Variants in KCNC4 observed in about 807,000 individuals in gnomAD.
KCNC4 encodes the protein voltage-gated potassium channel KCNC4.
KCNC4 carries 23 observed loss-of-function variants against 42.8 expected under a neutral mutation model. The observed-to-expected ratio is 0.54, with a 90% CI of 0.39 to 0.76. The LOEUF (loss-of-function observed/expected upper bound fraction) is 0.76. Ranked by LOEUF, KCNC4 falls within the 30% of genes least tolerant of loss-of-function variation. KCNC4 has a pLI of 0.00. For synonymous variants in KCNC4, 422 were observed against 393.5 expected (o/e 1.07, Z -0.86); for missense variants, 751 against 898.2 (o/e 0.84, Z 2.10).
intron 3 of KCNC4, chr1:110,228,914 G>A (rs747243430): frequency 6.6e-6 from 1 of 152,150 alleles, no homozygotes; most frequent in Non-Finnish European, 1.5e-5. Flanking sequence ...CAATCCCAGA[G>A]CTTCTCCCCA....
At chr1:110,279,121 A>G (rs1198383673) in intron 1 of KCNC4, among the ~76,000 whole-genome samples, 1 of 152,202 alleles carries the variant, frequency 6.6e-6, no homozygotes, top group African/African-American at 2.4e-5. Flanking sequence ...GAAAGGCTTG[A>G]TGTGCATATC....
intron 3 of KCNC4, chr1:110,232,176 G>A (rs1457620871): frequency 3.1e-6 from 5 of 1,597,250 alleles, no homozygotes; most frequent in Non-Finnish European, 3.4e-6. Flanking sequence ...GAGGGGTTGG[G>A]TTTCTCAATA....
intron 1 of KCNC4, among the ~76,000 whole-genome samples, chr1:110,276,566 T>C (rs1446834916): frequency 6.6e-6 from 1 of 152,096 alleles, no homozygotes; most frequent in Non-Finnish European, 1.5e-5. Flanking sequence ...ATATTGACCA[T>C]CAAAAGCATA....
chr1:110,213,592 G>A (rs1553210871), intron 1 of KCNC4, among the ~76,000 whole-genome samples: 1 of 152,222 alleles, frequency 6.6e-6, no homozygotes, highest in Non-Finnish European at 1.5e-5. Context: ...TGGCATACCG[G>A]GCTGGGGCTG....
At chr1:110,249,305 C>T (rs1241495627), downstream of KCNC4, among the ~76,000 whole-genome samples, 10 of 152,212 alleles carry the variant, frequency 6.6e-5, no homozygotes, top group African/African-American at 2.4e-4. Context: ...AAGAATATGT[C>T]TCTTCCCCTT....
intron 3 of KCNC4, 47 bp downstream of exon 3, chr1:110,226,225 G>A (rs777312428): frequency 3.8e-6 from 6 of 1,558,902 alleles, no homozygotes; most frequent in Non-Finnish European, 4.4e-6. Flanking sequence ...ACAGAGCTGA[G>A]TCTCCCGAGT....
chr1:110,232,449 G>A (rs1314008781), intron 3 of KCNC4: 7 of 1,468,560 alleles, frequency 4.8e-6, no homozygotes, highest in Middle Eastern at 2.1e-4. Context: ...AACAGCTGGG[G>A]TGATGGCCTG....
At chr1:110,267,752 A>G (rs1659566301) in intron 1 of KCNC4, among the ~76,000 whole-genome samples, 1 of 152,210 alleles carries the variant, frequency 6.6e-6, no homozygotes, top group Non-Finnish European at 1.5e-5. Flanking sequence ...ATCTAACATG[A>G]CAGACTCCAT....
intron 1 of KCNC4, among the ~76,000 whole-genome samples, chr1:110,260,521 A>G (rs1659405828): frequency 6.6e-6 from 1 of 152,256 alleles, no homozygotes; most frequent in Admixed American, 6.5e-5. Flanking sequence ...TGGAGATAAT[A>G]TCAATAGTAA....
At chr1:110,227,601 G>A (rs958798) in intron 3 of KCNC4, among the ~76,000 whole-genome samples, 7 of 152,038 alleles carry the variant, frequency 4.6e-5, no homozygotes, top group Admixed American at 1.3e-4. Flanking sequence ...CTCTCCCGCC[G>A]ACCATCCCAA....
In KCNC4 at chr1:110,232,938, A is replaced by G. The variant is rs540024226; in HGVS notation, c.1847A>G (p.Asn616Ser). The G allele has an allele frequency of 1.1e-5, 18 of 1,612,206 alleles. No individual in the cohort carries two copies. The highest frequency in any genetic ancestry group is 1.1e-4 in the South Asian group (10 of 90,390). Reference sequence around the variant, plus strand: ...ACCTGCCAAGACGCCCTCTCGTCCAACTATGCCCAGGCTGAAGTCCTCACC... The same window carrying G: ...ACCTGCCAAGACGCCCTCTCGTCCAGCTATGCCCAGGCTGAAGTCCTCACC... ...KETCQDALSSNYAQAEVLTLS is the reference protein window; with the variant it reads ...KETCQDALSSSYAQAEVLTLS The change falls in exon 4 of 4, where the codon AAC becomes AGC. Residue 616 changes from asparagine to serine, a missense_variant. By Grantham distance (46) the Asn-to-Ser change is conservative. Transcript: ENST00000438661.
intron 3 of KCNC4, among the ~76,000 whole-genome samples, chr1:110,230,082 G>C (rs371283808): frequency 1.3e-5 from 2 of 152,164 alleles, no homozygotes; most frequent in African/African-American, 4.8e-5. Context: ...GTTGTGTAAA[G>C]CCTGTGCCCG....
At chr1:110,278,267 C>A (rs763627310) in intron 1 of KCNC4, among the ~76,000 whole-genome samples, 2 of 152,166 alleles carry the variant, frequency 1.3e-5, no homozygotes, top group Admixed American at 1.3e-4. Context: ...GGGCAGATCA[C>A]CTTTCTGGAC....
chr1:110,231,559 G>C (rs1034582675), intron 3 of KCNC4, among the ~76,000 whole-genome samples: 4 of 152,084 alleles, frequency 2.6e-5, no homozygotes, highest in Non-Finnish European at 5.9e-5. Flanking sequence ...CAGTAGCCCA[G>C]GCATTCTCAC....
At chr1:110,231,870 C>T (rs1432467676) in intron 3 of KCNC4, among the ~76,000 whole-genome samples, 1 of 152,168 alleles carries the variant, frequency 6.6e-6, no homozygotes, top group Non-Finnish European at 1.5e-5. Context: ...TGAGGACACC[C>T]CTTCCCTAGA....
intron 1 of KCNC4, among the ~76,000 whole-genome samples, chr1:110,267,354 C>G (rs1553217955): frequency 2.0e-5 from 3 of 152,164 alleles, no homozygotes; most frequent in Non-Finnish European, 4.4e-5. Flanking sequence ...CTCTGAGGCT[C>G]TAAGTACATT....
At chr1:110,216,060 C>T (rs371106316) in intron 1 of KCNC4, among the ~76,000 whole-genome samples, 99 of 152,334 alleles carry the variant, frequency 6.5e-4, no homozygotes, top group South Asian at 3.1e-3. Flanking sequence ...TGAAGGGAGG[C>T]GTGGCTGGGA....
downstream of KCNC4, among the ~76,000 whole-genome samples, chr1:110,251,415 C>T (rs947388721): frequency 1.3e-5 from 2 of 152,194 alleles, no homozygotes; most frequent in African/African-American, 4.8e-5. Context: ...CCCCTGCACA[C>T]TCTCTCTTGC....
rs1242351170 is a variant in KCNC4, at chr1:110,210,504, T to C, written c.-996T>C. On this transcript the variant is annotated 5_prime_UTR_variant, in exon 1 of 4. Transcript: ENST00000438661. ...TGGCGTGGCTCCCAGCGCCGCCAGA[T>C]CGCAGGAACCAGGCGCCGGGGCGTT... is the stretch of plus-strand genomic sequence containing the variant. Among the ~76,000 whole-genome samples the C allele has an allele frequency of 4.0e-5, 6 of 151,290 alleles. No individual in the cohort carries two copies. Among genetic ancestry groups the C allele is most frequent in the Non-Finnish European group, 1.5e-5 (1 of 67,774 alleles).
Sources: gnomAD v4.1 joint callset for allele counts (sites outside exome capture counted in the v4.1 genomes callset) on GRCh38, gnomAD v4.1.1 for gene constraint, MANE v1.5 for transcripts, NCBI Gene and HGNC (gene_info 2026-07-23, HGNC 2026-07-21) for gene names.